Variants in RAPGEF6 observed in about 807,000 individuals in gnomAD.
RAPGEF6 encodes the protein Rap guanine nucleotide exchange factor 6, also known as PDZ domain containing guanine nucleotide exchange factor (GEF) 2.
A neutral mutation model predicts 171.4 loss-of-function variants in RAPGEF6; 56 were observed. That is an observed-to-expected ratio of 0.33 (90% CI 0.26 to 0.41). The LOEUF is 0.41. RAPGEF6 is among the 10% of genes least tolerant of loss of function. The pLI, the probability that RAPGEF6 is intolerant of heterozygous loss-of-function variation, is 1.00. For missense variants in RAPGEF6, 1,674 were observed against 1,921.4 expected (o/e 0.87, Z 2.41); for synonymous variants, 692 against 650.1 (o/e 1.06, Z -0.98).
Position 131,431,207 on chromosome 5 carries a change from GGGAGCTGCTTGAACACGAA to G in RAPGEF6, c.4098_4116del (p.Ser1367MetfsTer16). 6.2e-7 allele frequency: 1 copy of G among 1,614,172 alleles called. No individual in the cohort carries two copies. The highest frequency in any genetic ancestry group is 8.5e-7 in the Non-Finnish European group (1 of 1,180,028). The stretch of plus-strand genomic sequence containing the variant: ...TTTGGAAGGCTTTGGAAGTTGTCAT[GGGAGCTGCTTGAACACGAA>G]GTCCAACTTCCACGACCACTGTCAG... On this transcript the variant is annotated frameshift_variant, in exon 26 of 28. Coordinates refer to ENST00000509018, the MANE Select transcript of RAPGEF6 (RefSeq NM_016340.6). LOFTEE classifies it high-confidence loss of function.
At chr5:131,533,211 CA>C (rs1169074098) in intron 6 of RAPGEF6, among the ~76,000 whole-genome samples, 23 of 151,246 alleles carry the variant, frequency 1.5e-4, no homozygotes, top group African/African-American at 2.4e-4. Flanking sequence ...CACACACACA[CA>C]CCCCATCCTC....
At chr5:131,600,247 C>T (rs1484012457) in intron 3 of RAPGEF6, among the ~76,000 whole-genome samples, 3 of 152,114 alleles carry the variant, frequency 2.0e-5, no homozygotes, top group Non-Finnish European at 2.9e-5. Context: ...TGAGGCTGGG[C>T]GCAGTGGCTC....
At chr5:131,501,288 A>G (rs1355993475) in intron 11 of RAPGEF6, among the ~76,000 whole-genome samples, 1 of 151,686 alleles carries the variant, frequency 6.6e-6, no homozygotes, top group Non-Finnish European at 1.5e-5. Context: ...GTGAGCCAAG[A>G]TCGTGCCACT....
intron 15 of RAPGEF6, among the ~76,000 whole-genome samples, chr5:131,483,907 T>G (rs1038337867): frequency 3.3e-5 from 5 of 151,804 alleles, no homozygotes. Context: ...GAGACCATCC[T>G]GGCTAACACA....
intron 17 of RAPGEF6, among the ~76,000 whole-genome samples, chr5:131,469,288 CTT>C (rs1005311445): frequency 6.6e-6 from 1 of 152,028 alleles, no homozygotes; most frequent in East Asian, 1.9e-4. Flanking sequence ...GGAGTGGAAA[CTT>C]TTATATTCTA....
At chr5:131,501,211 C>G (rs536934037) in intron 11 of RAPGEF6, among the ~76,000 whole-genome samples, 5 of 152,098 alleles carry the variant, frequency 3.3e-5, no homozygotes, top group African/African-American at 1.2e-4. Context: ...TGGCATGCAC[C>G]TGTAGTCACA....
At chr5:131,429,287 A>G in intron 26 of RAPGEF6, 71 bp from the exon 27 acceptor site, 7 of 1,265,076 alleles carry the variant, frequency 5.5e-6, no homozygotes, top group Non-Finnish European at 7.6e-6. Context: ...CACCCCACAA[A>G]CTTATTACAA....
intron 27 of RAPGEF6, among the ~76,000 whole-genome samples, chr5:131,428,619 C>G (rs1189321965): frequency 1.3e-5 from 2 of 151,972 alleles, no homozygotes; most frequent in African/African-American, 2.4e-5. Context: ...CGCCATAATG[C>G]CTGGCTGATT....
In RAPGEF6 at chr5:131,598,991, A is replaced by G. The variant is rs544358606; in HGVS notation, c.197+4280T>C. On this transcript the variant is annotated intron_variant, in intron 3 of 27. Coordinates refer to ENST00000509018, the MANE Select transcript of RAPGEF6 (RefSeq NM_016340.6). ...ACAAGCCTGAGTTACTCTACTGAATACAAACTCATGCTATCAGATATCAAA... is the reference window on the plus strand; with the variant it reads ...ACAAGCCTGAGTTACTCTACTGAATGCAAACTCATGCTATCAGATATCAAA... 3.3e-5 allele frequency among the ~76,000 whole-genome samples: 5 copies of G among 152,352 alleles called. No individual in the cohort carries two copies. The South Asian group carries it at 1.0e-3, about 32-fold the overall frequency.
At position 131,453,038 on chromosome 5, in the gene RAPGEF6, T is replaced by A. The variant is rs1165817017; in HGVS notation, c.3200+16A>T. ...TTGATACCACTCTAACACTTTTACA[T>A]ATTTCAATGTCCTACCTCTGTCGAA... On this transcript the variant is annotated intron_variant, in intron 21 of 27. Coordinates refer to ENST00000509018, the MANE Select transcript of RAPGEF6 (RefSeq NM_016340.6). 1 of 1,605,224 alleles carries A rather than the reference T, an allele frequency of 6.2e-7. No individual in the cohort carries two copies. The highest frequency in any genetic ancestry group is 8.5e-7 in the Non-Finnish European group (1 of 1,175,522).
chr5:131,467,559 G>A (rs1249478470), intron 17 of RAPGEF6, among the ~76,000 whole-genome samples: 1 of 152,156 alleles, frequency 6.6e-6, no homozygotes, highest in Non-Finnish European at 1.5e-5. Context: ...TACATGCCAA[G>A]CACAATATTT....
At chr5:131,579,859 G>A (rs182559038) in intron 4 of RAPGEF6, among the ~76,000 whole-genome samples, 129 of 152,088 alleles carry the variant, frequency 8.5e-4, no homozygotes, top group South Asian at 7.1e-3. Flanking sequence ...GCTGATTGGC[G>A]CATATACAAT....
intron 24 of RAPGEF6, chr5:131,436,199 T>C (rs1580820068): frequency 6.5e-7 from 1 of 1,537,702 alleles, no homozygotes; most frequent in Non-Finnish European, 8.7e-7. Context: ...GTCATTCTTT[T>C]TCTGGTTGTG....
intron 14 of RAPGEF6, among the ~76,000 whole-genome samples, chr5:131,490,082 T>C (rs1432184712): frequency 1.3e-5 from 2 of 152,306 alleles, no homozygotes; most frequent in East Asian, 3.9e-4. Context: ...ATATATTTAA[T>C]ATGATTTTCT....
At chr5:131,440,681 T>G (rs1752322593) in intron 23 of RAPGEF6, among the ~76,000 whole-genome samples, 2 of 133,982 alleles carry the variant, frequency 1.5e-5, no homozygotes, top group South Asian at 2.2e-4. Flanking sequence ...GAGGTTTCAG[T>G]GAGCCAAGAT....
chr5:131,495,521 C>T (rs147017893), intron 13 of RAPGEF6, 32 bp downstream of exon 13: 305 of 1,573,414 alleles, frequency 1.9e-4, no homozygotes, highest in Non-Finnish European at 2.2e-4. Context: ...GACCACTACA[C>T]TCTGAAGAAT....
At chr5:131,513,465 C>A (rs1260977639) in intron 7 of RAPGEF6, among the ~76,000 whole-genome samples, 2 of 152,102 alleles carry the variant, frequency 1.3e-5, no homozygotes, top group African/African-American at 4.8e-5. Context: ...GGTCTCATTC[C>A]CATATTTTAG....
At chr5:131,564,383 G>A (rs911778524) in intron 4 of RAPGEF6, among the ~76,000 whole-genome samples, 1 of 152,134 alleles carries the variant, frequency 6.6e-6, no homozygotes, top group African/African-American at 2.4e-5. Flanking sequence ...ATAATACATG[G>A]GGTACTAGGT....
chr5:131,505,286 T>G, intron 10 of RAPGEF6, 78 bp downstream of exon 10: 2 of 1,425,158 alleles, frequency 1.4e-6, no homozygotes, highest in African/African-American at 1.4e-5. Context: ...TAAAGCTATT[T>G]TCTTTTGAGG....
Sources: gnomAD v4.1 joint callset for allele counts (sites outside exome capture counted in the v4.1 genomes callset) on GRCh38, gnomAD v4.1.1 for gene constraint, MANE v1.5 for transcripts, NCBI Gene and HGNC (gene_info 2026-07-23, HGNC 2026-07-21) for gene names.